Variants in FAP observed in about 807,000 individuals in gnomAD.
FAP encodes fibroblast activation protein alpha, also known as prolyl endopeptidase FAP.
In FAP, 110 loss-of-function variants were observed where a neutral mutation model predicts 126.5. That is an observed-to-expected ratio of 0.87 (90% CI 0.74 to 1.02). The LOEUF is 1.02. Among genes scored for constraint, FAP ranks in the 50% least tolerant of loss-of-function variants. The probability of loss-of-function intolerance (pLI) is 0.00; values close to 1 mark genes in which losing one functional copy is unlikely to be tolerated. For missense variants in FAP, 919 were observed against 909.2 expected (o/e 1.01, Z -0.14); for synonymous variants, 334 against 297.3 (o/e 1.12, Z -1.27).
At chr2:162,203,890 G>A (rs1228908062) in intron 12 of FAP, among the ~76,000 whole-genome samples, 2 of 152,174 alleles carry the variant, frequency 1.3e-5, no homozygotes, top group Non-Finnish European at 2.9e-5. Context: ...TTCTGCAAAT[G>A]TTCTTACACC....
chr2:162,231,185 A>G (rs1284847629), intron 2 of FAP, among the ~76,000 whole-genome samples: 3 of 152,180 alleles, frequency 2.0e-5, no homozygotes, highest in African/African-American at 7.2e-5. Context: ...CACTGGGGTC[A>G]TTATTTTCTA....
intron 25 of FAP, 86 bp from the exon 26 acceptor site, chr2:162,171,166 T>C (rs780482473): frequency 3.4e-6 from 3 of 892,332 alleles, no homozygotes; most frequent in Non-Finnish European, 5.4e-6. Context: ...CAGGACCTGA[T>C]AATCTTTCTA....
At chr2:162,172,648 G>C in intron 25 of FAP, 163 bp downstream of exon 25, 1 of 579,384 alleles carries the variant, frequency 1.7e-6, no homozygotes, top group Admixed American at 2.9e-5. Context: ...TCCTTCAGTA[G>C]TTAAAGAAAG....
At position 162,195,807 on chromosome 2, in the gene FAP, T is replaced by C. The variant is rs117909278; in HGVS notation, c.1403-1059A>G. Among the ~76,000 whole-genome samples, 201 of 152,246 alleles carry C rather than the reference T, an allele frequency of 1.3e-3. 3 individuals are homozygous for C. The East Asian group carries it at 0.035, about 27-fold the overall frequency. ...TTTAAGCATAAATTTGCTCAGTCAG[T>C]AGGTTAAAAGCAACAAATGTGGAGG... On this transcript the variant is annotated intron_variant, in intron 16 of 25. Coordinates refer to ENST00000188790, the MANE Select transcript of FAP (RefSeq NM_004460.5).
At chr2:162,217,284 C>A (rs145355029) in intron 9 of FAP, among the ~76,000 whole-genome samples, 1 of 152,146 alleles carries the variant, frequency 6.6e-6, no homozygotes, top group Non-Finnish European at 1.5e-5. Flanking sequence ...AAATCGCATC[C>A]GATTCCTTGT....
Position 162,183,437 on chromosome 2 carries a change from T to C in FAP, c.1846A>G (p.Lys616Glu), listed in dbSNP as rs1335856860. 1.2e-6 allele frequency: 2 copies of C among 1,610,734 alleles called. No homozygotes were observed. The highest frequency in any genetic ancestry group is 2.7e-5 in the African/African-American group (2 of 74,774). ...ACCCAGCCCCATATGGCTATTCTTTTTTCATCAATGAAACCCATTTCTATG... is the reference window on the plus strand; with the variant it reads ...ACCCAGCCCCATATGGCTATTCTTTCTTCATCAATGAAACCCATTTCTATG... ...KFIEMGFIDE[K>E]RIAIWGWSYG... Residue 616 changes from lysine to glutamate, a missense_variant, in exon 21 of 26, where the codon AAA becomes GAA. Transcript: ENST00000188790.
Position 162,235,310 on chromosome 2 carries a change from C to T in FAP, c.91+7598G>A, listed in dbSNP as rs575630227. 1.7e-3 allele frequency among the ~76,000 whole-genome samples: 262 copies of T among 152,292 alleles called. 1 individual carries two copies. Among genetic ancestry groups the T allele is most frequent in the African/African-American group, 3.6e-3 (148 of 41,568 alleles). On this transcript the variant is annotated intron_variant, in intron 2 of 25. Transcript: ENST00000188790. ...GGCTGAGGAGTGCCAGCGCATGGCG[C>T]GGGACTGGCGGGCAGCTCCACCTGC... is the stretch of plus-strand genomic sequence containing the variant.
At chr2:162,201,436 A>C (rs1040458209) in intron 14 of FAP, among the ~76,000 whole-genome samples, 1 of 152,176 alleles carries the variant, frequency 6.6e-6, no homozygotes, top group African/African-American at 2.4e-5. Flanking sequence ...CTTTCTATGC[A>C]TCTTTATAAC....
At chr2:162,199,673 G>A (rs942513191) in intron 15 of FAP, among the ~76,000 whole-genome samples, 9 of 152,238 alleles carry the variant, frequency 5.9e-5, no homozygotes, top group African/African-American at 2.2e-4. Flanking sequence ...GTGCCAACCT[G>A]TGAGTTTCTT....
chr2:162,195,334 A>C (rs900016378), intron 16 of FAP, among the ~76,000 whole-genome samples: 1 of 151,992 alleles, frequency 6.6e-6, no homozygotes, highest in Non-Finnish European at 1.5e-5. Context: ...TGTGGGGGAA[A>C]GGGAGGAAGA....
At chr2:162,203,178 G>T in intron 12 of FAP, 33 bp from the exon 13 acceptor site, 1 of 1,414,568 alleles carries the variant, frequency 7.1e-7, no homozygotes, top group Non-Finnish European at 9.9e-7. Context: ...ATGTTCAAAA[G>T]ACAAACCAAA....
chr2:162,243,129 T>C (rs917480898), intron 1 of FAP, 137 bp from the exon 2 acceptor site: 1 of 828,366 alleles, frequency 1.2e-6, no homozygotes, highest in Non-Finnish European at 1.9e-6. Context: ...CCGGCTATAA[T>C]TGCTGGAATT....
chr2:162,178,986 G>T (rs1174633022), intron 21 of FAP, among the ~76,000 whole-genome samples: 1 of 152,012 alleles, frequency 6.6e-6, no homozygotes, highest in Non-Finnish European at 1.5e-5. Flanking sequence ...ACTAATTCAG[G>T]CCTTTGATAT....
In FAP at chr2:162,219,732, C is replaced by G. The variant is rs1451228522; in HGVS notation, c.486+121G>C. On this transcript the variant is annotated intron_variant, in intron 7 of 25. Coordinates refer to ENST00000188790, the MANE Select transcript of FAP (RefSeq NM_004460.5). ...TATCAAAACTCTTCCCGTTTTTAACCACTAAAATAGTCATGAATGTATTTT... is the reference window on the plus strand; with the variant it reads ...TATCAAAACTCTTCCCGTTTTTAACGACTAAAATAGTCATGAATGTATTTT... The G allele has an allele frequency of 6.9e-6, 5 of 719,900 alleles. No individual in the cohort carries two copies. The African/African-American group carries it at 9.0e-5, about 13-fold the overall frequency. 44.6% of individuals were successfully genotyped at this position (719,900 alleles called of 1,614,324 possible).
chr2:162,217,986 C>A lies in FAP; in HGVS notation c.762G>T (p.Lys254Asn). ...YPRTINIPYP[K>N]AGAKNPVVRI... Reference sequence around the variant, plus strand: ...GCATCGCTGAAAGTATTCAACATACCTTTGGGTATGGAATATTTATTGTTC... The same window carrying A: ...GCATCGCTGAAAGTATTCAACATACATTTGGGTATGGAATATTTATTGTTC... Residue 254 changes from lysine (K) to asparagine (N), a missense_variant and splice_region_variant, in exon 9 of 26, where the codon AAG (lysine) becomes AAT (asparagine). By Grantham distance (94) the Lys-to-Asn change is moderately conservative. Transcript: ENST00000188790. 1.3e-6 allele frequency: 2 copies of A among 1,570,650 alleles called. No homozygotes were observed. Among genetic ancestry groups the A allele is most frequent in the Non-Finnish European group, 1.7e-6 (2 of 1,159,232 alleles).
Position 162,224,463 on chromosome 2 carries a change from T to C in FAP, c.360+3A>G, listed in dbSNP as rs1184674615. 1.9e-6 allele frequency: 3 copies of C among 1,556,530 alleles called. No homozygotes were observed. The highest frequency in any genetic ancestry group is 2.6e-6 in the Non-Finnish European group (3 of 1,141,722). On this transcript the variant is annotated splice_donor_region_variant and intron_variant, in intron 5 of 25. Coordinates refer to ENST00000188790, the MANE Select transcript of FAP (RefSeq NM_004460.5). ...GGATATAACCAAATTAAATAGTTGA[T>C]ACCTTTGAATAATCACTTTCTAGAT...
At chr2:162,241,903 T>C (rs577122127) in intron 2 of FAP, among the ~76,000 whole-genome samples, 1 of 152,294 alleles carries the variant, frequency 6.6e-6, no homozygotes, top group Non-Finnish European at 1.5e-5. Flanking sequence ...GAAAATCTCA[T>C]GATTATTTTT....
In FAP at chr2:162,203,219, A is replaced by G. The variant is rs970409629; in HGVS notation, c.1048-74T>C. 1.8e-5 allele frequency: 16 copies of G among 872,980 alleles called. No homozygotes were observed. In the African/African-American group the frequency reaches 2.4e-4, roughly 13 times the overall value. 54.1% of individuals were successfully genotyped at this position (872,980 alleles called of 1,614,324 possible). A position where few individuals can be genotyped will look rare whatever the true frequency, so the allele number is the denominator to read the frequency against. On this transcript the variant is annotated intron_variant, in intron 12 of 25. Coordinates refer to ENST00000188790, the MANE Select transcript of FAP (RefSeq NM_004460.5). ...ACCATAGATTTTGTTTTAATATATA[A>G]AAGCGACGTATGGTCATAGTTATAG...
intron 21 of FAP, among the ~76,000 whole-genome samples, chr2:162,177,279 C>T (rs1462028086): frequency 6.6e-6 from 1 of 152,172 alleles, no homozygotes; most frequent in African/African-American, 2.4e-5. Context: ...ACGAAACACT[C>T]TTATTTGAGG....
Sources: gnomAD v4.1 joint callset for allele counts (sites outside exome capture counted in the v4.1 genomes callset) on GRCh38, gnomAD v4.1.1 for gene constraint, MANE v1.5 for transcripts, NCBI Gene and HGNC (gene_info 2026-07-23, HGNC 2026-07-21) for gene names.